Variants in CLEC16A observed in about 807,000 individuals in gnomAD.
The protein encoded by CLEC16A is C-type lectin domain containing 16A.
CLEC16A carries 51 observed loss-of-function variants against 109.5 expected under a neutral mutation model. The ratio of observed to expected loss-of-function variants is 0.47; its 90% CI spans 0.37 to 0.59. The LOEUF (loss-of-function observed/expected upper bound fraction) is 0.59, where lower values mean the gene tolerates loss of function less well. Among genes scored for constraint, CLEC16A ranks in the 20% least tolerant of loss-of-function variants. The pLI is 0.00. For synonymous variants in CLEC16A, 673 were observed against 564.2 expected (o/e 1.19, Z -2.73); for missense variants, 1,339 against 1,394.0 (o/e 0.96, Z 0.63).
At chr16:11,082,571 A>T (rs1199659157) in intron 19 of CLEC16A, among the ~76,000 whole-genome samples, 1 of 152,112 alleles carries the variant, frequency 6.6e-6, no homozygotes, top group Non-Finnish European at 1.5e-5. Context: ...GTGGTGTGTA[A>T]AGGCAGCCGG....
At position 11,180,264 on chromosome 16, in the gene CLEC16A, A is replaced by G. The variant is rs968316888; in HGVS notation, c.*1574A>G. The G allele has an allele frequency of 3.3e-5, 5 of 152,542 alleles. No homozygotes were observed. The highest frequency in any genetic ancestry group is 1.2e-4 in the African/African-American group (5 of 41,578). The allele number at this position is 152,542 out of a possible 1,614,324, so 9.4% of individuals were successfully genotyped here. ...CTCATGAAGGAAACACAGTCCTGCC[A>G]AGGAGGGGGAGTGGCGCCCATGGGG... On this transcript the variant is annotated 3_prime_UTR_variant, in exon 24 of 24. Coordinates refer to ENST00000409790, the MANE Select transcript of CLEC16A (RefSeq NM_015226.3).
At chr16:11,121,331 A>G (rs752867395) in intron 20 of CLEC16A, among the ~76,000 whole-genome samples, 4 of 152,228 alleles carry the variant, frequency 2.6e-5, no homozygotes, top group African/African-American at 4.8e-5. Context: ...CGGTGCTGCC[A>G]TGAACAGAAT....
At chr16:11,070,112 C>T (rs895136127) in intron 19 of CLEC16A, among the ~76,000 whole-genome samples, 1 of 152,080 alleles carries the variant, frequency 6.6e-6, no homozygotes, top group African/African-American at 2.4e-5. Flanking sequence ...ACCCTATTGC[C>T]CAGGCTGGAG....
At chr16:11,039,680 T>C (rs1567229730) in intron 13 of CLEC16A, 74 bp from the exon 14 acceptor site, 2 of 1,453,596 alleles carry the variant, frequency 1.4e-6, no homozygotes, top group Non-Finnish European at 1.8e-6. Context: ...GAAACCCCAC[T>C]CTACAGGACC....
At chr16:10,980,262 C>T (rs2146643330) in intron 9 of CLEC16A, among the ~76,000 whole-genome samples, 2 of 152,304 alleles carry the variant, frequency 1.3e-5, no homozygotes, top group African/African-American at 4.8e-5. Flanking sequence ...CATGTCCTGA[C>T]CATCACTCAC....
At chr16:11,094,005 T>C (rs12917656) in intron 19 of CLEC16A, among the ~76,000 whole-genome samples, 74,967 of 151,748 alleles carry the variant, frequency 0.49, 19,132 homozygotes, top group African/African-American at 0.63. Flanking sequence ...GTGACGAGGG[T>C]CTTTGGACGA....
intron 11 of CLEC16A, among the ~76,000 whole-genome samples, chr16:11,013,796 G>A (rs569929950): frequency 7.3e-5 from 11 of 150,902 alleles, no homozygotes; most frequent in East Asian, 3.9e-4. Context: ...AAAATGAGCC[G>A]GGCATGGTGG....
intron 22 of CLEC16A, among the ~76,000 whole-genome samples, chr16:11,130,725 C>T (rs756180627): frequency 1.4e-4 from 21 of 152,192 alleles, no homozygotes; most frequent in African/African-American, 3.6e-4. Flanking sequence ...CCCCATAGGC[C>T]GCACAGCGCA....
chr16:11,087,096 C>T (rs1329128210), intron 19 of CLEC16A, among the ~76,000 whole-genome samples: 3 of 152,232 alleles, frequency 2.0e-5, no homozygotes, highest in Non-Finnish European at 2.9e-5. Context: ...ATCAGGAGAT[C>T]CATAAACTAA....
intron 22 of CLEC16A, among the ~76,000 whole-genome samples, chr16:11,139,096 G>A (rs2053704200): frequency 6.6e-6 from 1 of 152,130 alleles, no homozygotes; most frequent in South Asian, 2.1e-4. Flanking sequence ...GCATCTCGAT[G>A]ATCCCAACTT....
At chr16:11,059,125 C>G (rs1352834508) in intron 18 of CLEC16A, among the ~76,000 whole-genome samples, 1 of 152,216 alleles carries the variant, frequency 6.6e-6, no homozygotes, top group Non-Finnish European at 1.5e-5. Context: ...CTGCCCCTCT[C>G]AGCTCTGTTT....
intron 10 of CLEC16A, among the ~76,000 whole-genome samples, chr16:10,992,550 A>G (rs979413729): frequency 1.3e-5 from 2 of 151,674 alleles, no homozygotes; most frequent in Non-Finnish European, 2.9e-5. Flanking sequence ...AATAAAAAAG[A>G]AAAAGATAAC....
At chr16:11,002,472 T>G (rs1289162319) in intron 10 of CLEC16A, among the ~76,000 whole-genome samples, 5 of 152,246 alleles carry the variant, frequency 3.3e-5, no homozygotes, top group Admixed American at 3.3e-4. Flanking sequence ...GGCATTTGTT[T>G]TGGAGATTAA....
chr16:10,971,451 G>A (rs1204260768), intron 5 of CLEC16A: 8 of 641,086 alleles, frequency 1.2e-5, no homozygotes, highest in African/African-American at 7.9e-5. Flanking sequence ...TGCTCATGCT[G>A]CTACATAGAA....
intron 19 of CLEC16A, among the ~76,000 whole-genome samples, chr16:11,075,097 A>G (rs750702581): frequency 2.0e-5 from 3 of 152,206 alleles, no homozygotes; most frequent in Non-Finnish European, 4.4e-5. Flanking sequence ...TCTCAAGAAA[A>G]AATATCTATA....
At chr16:11,081,622 A>G (rs908679092) in intron 19 of CLEC16A, among the ~76,000 whole-genome samples, 1 of 151,984 alleles carries the variant, frequency 6.6e-6, no homozygotes, top group African/African-American at 2.4e-5. Context: ...TCCTCAAGCC[A>G]TAGGGCCCTA....
chr16:10,948,065 T>A (rs1342153134), intron 1 of CLEC16A, among the ~76,000 whole-genome samples: 2 of 152,116 alleles, frequency 1.3e-5, no homozygotes, highest in Non-Finnish European at 2.9e-5. Flanking sequence ...AGCTAATTTT[T>A]TGTATTTTTA....
intron 1 of CLEC16A, among the ~76,000 whole-genome samples, chr16:10,948,181 CTG>C (rs1238902236): frequency 7.9e-5 from 12 of 152,338 alleles, no homozygotes; most frequent in South Asian, 4.1e-4. Context: ...GCATGAGCCA[CTG>C]CACCCGGCCT....
At chr16:11,055,538 G>A (rs1008056688) in intron 18 of CLEC16A, among the ~76,000 whole-genome samples, 2 of 149,934 alleles carry the variant, frequency 1.3e-5, no homozygotes, top group Admixed American at 1.3e-4. Context: ...TGCAGGCCGT[G>A]GGGAGGCATC....
Sources: allele counts gnomAD v4.1 joint callset (sites outside exome capture counted in the v4.1 genomes callset), GRCh38; gene constraint gnomAD v4.1.1; transcripts MANE v1.5; gene names NCBI Gene and HGNC (gene_info 2026-07-23, HGNC 2026-07-21).